The following MACROD2 variants were observed in gnomAD, a reference collection of about 807,000 sequenced individuals.
MACROD2 encodes ADP-ribose glycohydrolase MACROD2.
MACROD2 carries 36 observed loss-of-function variants against 70.4 expected under a neutral mutation model. That is an observed-to-expected ratio of 0.51 (90% confidence interval 0.39 to 0.68). MACROD2 has a LOEUF of 0.68. MACROD2 is among the 30% of genes least tolerant of loss of function. The pLI is 0.00. For synonymous variants in MACROD2, 172 were observed against 178.8 expected (o/e 0.96, Z 0.30); for missense variants, 496 against 538.4 (o/e 0.92, Z 0.78).
At chr20:15,153,896 G>T (rs1046518380) in intron 5 of MACROD2, among the ~76,000 whole-genome samples, 1 of 152,098 alleles carries the variant, frequency 6.6e-6, no homozygotes, top group Non-Finnish European at 1.5e-5. Flanking sequence ...TTTCCAGAAG[G>T]ATTTTTTATA....
intron 6 of MACROD2, among the ~76,000 whole-genome samples, chr20:15,411,149 T>TACACACACAC (rs55750139): frequency 0.025 from 3,592 of 144,152 alleles, 50 homozygotes; most frequent in Middle Eastern, 0.028. Context: ...GATATGTATT[T>TACACACACAC]ACACACACAC....
intron 5 of MACROD2, among the ~76,000 whole-genome samples, chr20:14,870,266 G>A (rs1050808995): frequency 6.6e-6 from 1 of 152,076 alleles, no homozygotes; most frequent in African/African-American, 2.4e-5. Context: ...CCATGTCTCT[G>A]CAAAGAAAAT....
chr20:15,663,930 G>T (rs1033273045), intron 8 of MACROD2, among the ~76,000 whole-genome samples: 1 of 152,172 alleles, frequency 6.6e-6, no homozygotes, highest in Admixed American at 6.5e-5. Flanking sequence ...AATCACAGTG[G>T]TGTGTATAAT....
chr20:14,123,168 C>T (rs1008699926), intron 3 of MACROD2, among the ~76,000 whole-genome samples: 3 of 151,972 alleles, frequency 2.0e-5, no homozygotes, highest in African/African-American at 7.3e-5. Flanking sequence ...AACCTATGGC[C>T]CTTATTTTAA....
At chr20:15,406,809 C>T (rs1464618371) in intron 6 of MACROD2, among the ~76,000 whole-genome samples, 1 of 152,136 alleles carries the variant, frequency 6.6e-6, no homozygotes, top group African/African-American at 2.4e-5. Flanking sequence ...TAGCTCAAGG[C>T]ACAGATCAAA....
At chr20:15,617,824 G>A (rs2049059837) in intron 8 of MACROD2, among the ~76,000 whole-genome samples, 7 of 152,194 alleles carry the variant, frequency 4.6e-5, no homozygotes, top group Admixed American at 4.6e-4. Flanking sequence ...TAGGGAAGGT[G>A]GGGGTGGAGA....
At chr20:16,042,451 T>A (rs1294511950) in intron 16 of MACROD2, among the ~76,000 whole-genome samples, 2 of 152,014 alleles carry the variant, frequency 1.3e-5, no homozygotes, top group African/African-American at 4.8e-5. Context: ...GGAGTTTTAG[T>A]CCTCACTTAG....
At chr20:14,972,248 G>A (rs1405759166) in intron 5 of MACROD2, among the ~76,000 whole-genome samples, 1 of 152,212 alleles carries the variant, frequency 6.6e-6, no homozygotes, top group African/African-American at 2.4e-5. Flanking sequence ...CCAGACTGAA[G>A]AGAGTGGAGA....
At chr20:15,087,297 C>T (rs2075756246) in intron 5 of MACROD2, among the ~76,000 whole-genome samples, 1 of 151,880 alleles carries the variant, frequency 6.6e-6, no homozygotes, top group Non-Finnish European at 1.5e-5. Flanking sequence ...GAAAAATTTG[C>T]CTTACCAAAT....
intron 6 of MACROD2, among the ~76,000 whole-genome samples, chr20:15,335,877 C>T (rs1543397): frequency 0.12 from 18,296 of 151,462 alleles, 1,352 homozygotes; most frequent in Middle Eastern, 0.22. Context: ...TCTTCAATAC[C>T]GTTCCCTTCT....
intron 3 of MACROD2, among the ~76,000 whole-genome samples, chr20:14,375,574 T>A (rs1485154088): frequency 6.6e-6 from 1 of 151,978 alleles, no homozygotes; most frequent in Admixed American, 6.6e-5. Context: ...GCAAAGAAGA[T>A]GGGGGTTGGG....
chr20:14,985,624 A>G (rs1241966855), intron 5 of MACROD2, among the ~76,000 whole-genome samples: 2 of 151,748 alleles, frequency 1.3e-5, no homozygotes, highest in Non-Finnish European at 2.9e-5. Context: ...CTTCCAGCTA[A>G]TGGAGTAGAC....
Position 15,842,878 on chromosome 20 carries a change from T to C in MACROD2, c.646-19867T>C, listed in dbSNP as rs1418163746. ...TCTCTCAAGAAGTCAACATCTGGCT[T>C]TAGTTGATAAGCTAGGTGATTAACT... On this transcript the variant is annotated intron_variant, in intron 8 of 17. Coordinates refer to ENST00000684519, the MANE Select transcript of MACROD2 (RefSeq NM_001351661.2). Among the ~76,000 whole-genome samples the C allele has an allele frequency of 5.3e-5, 8 of 152,158 alleles. 1 individual carries two copies.
chr20:15,887,399 G>T (rs1453409003), intron 10 of MACROD2, among the ~76,000 whole-genome samples: 1 of 152,168 alleles, frequency 6.6e-6, no homozygotes, highest in African/African-American at 2.4e-5. Flanking sequence ...AAAGTCAGGA[G>T]CAGGAATAAA....
At chr20:14,175,590 C>T (rs141834680) in intron 3 of MACROD2, among the ~76,000 whole-genome samples, 1,937 of 152,288 alleles carry the variant, frequency 0.013, 16 homozygotes, top group South Asian at 0.037. Context: ...TGAAGTTAGG[C>T]ATTCCTCTTC....
intron 4 of MACROD2, among the ~76,000 whole-genome samples, chr20:14,503,384 C>T (rs1211585878): frequency 6.6e-6 from 1 of 152,062 alleles, no homozygotes; most frequent in Non-Finnish European, 1.5e-5. Context: ...AGTATATAGA[C>T]CCCAGGTCTG....
intron 5 of MACROD2, among the ~76,000 whole-genome samples, chr20:15,150,027 G>A (rs889536930): frequency 1.4e-5 from 2 of 146,414 alleles, no homozygotes; most frequent in Admixed American, 1.3e-4. Flanking sequence ...CCATGCCCAG[G>A]AAGGAAAGGA....
chr20:15,254,954 T>C (rs568379523), intron 6 of MACROD2, among the ~76,000 whole-genome samples: 1,703 of 126,558 alleles, frequency 0.013, 34 homozygotes, highest in African/African-American at 0.051. Context: ...TTTTTTTTTT[T>C]CAGTTAAGAA....
At chr20:15,860,193 C>T (rs903226311) in intron 8 of MACROD2, among the ~76,000 whole-genome samples, 6 of 152,034 alleles carry the variant, frequency 3.9e-5, no homozygotes, top group African/African-American at 1.5e-4. Context: ...GCCATTAACC[C>T]CCCATACACA....
Sources: gnomAD v4.1 joint callset for allele counts (sites outside exome capture counted in the v4.1 genomes callset) on GRCh38, gnomAD v4.1.1 for gene constraint, MANE v1.5 for transcripts, NCBI Gene and HGNC (gene_info 2026-07-23, HGNC 2026-07-21) for gene names.